Variants in FCHSD2 observed in about 807,000 individuals in gnomAD.
The protein encoded by FCHSD2 is FCH and double SH3 domains 2, also known as F-BAR and double SH3 domains protein 2.
FCHSD2 carries 38 observed loss-of-function variants against 108.1 expected under a neutral mutation model. The observed-to-expected ratio is 0.35, with a 90% CI of 0.27 to 0.46. The LOEUF (loss-of-function observed/expected upper bound fraction) is 0.46. Among genes scored for constraint, FCHSD2 ranks in the 20% least tolerant of loss-of-function variants. FCHSD2 has a pLI of 1.00. For missense variants in FCHSD2, 751 were observed against 897.8 expected, an observed-to-expected ratio of 0.84 and a Z score of 2.09; for synonymous variants, 279 against 314.7, an observed-to-expected ratio of 0.89 and a Z score of 1.20.
At chr11:72,950,027 C>T (rs1189826667) in intron 8 of FCHSD2, among the ~76,000 whole-genome samples, 1 of 152,196 alleles carries the variant, frequency 6.6e-6, no homozygotes, top group Non-Finnish European at 1.5e-5. Context: ...TCCATCTCCT[C>T]ACCAACACTT....
At chr11:72,862,783 G>A (rs891054135) in intron 13 of FCHSD2, among the ~76,000 whole-genome samples, 1 of 152,106 alleles carries the variant, frequency 6.6e-6, no homozygotes, top group Non-Finnish European at 1.5e-5. Context: ...CTTTGATAAA[G>A]AAGAAAGTTG....
In FCHSD2 at chr11:72,945,646, C is replaced by T. The variant is rs559006881; in HGVS notation, c.706-23696G>A. ...AATGGGAGAATATTTTTGCAATCTA[C>T]TCATCTGACAAAGGGCTAATATCTA... On this transcript the variant is annotated intron_variant, in intron 8 of 19. Transcript: ENST00000409418. 3.6e-3 allele frequency among the ~76,000 whole-genome samples: 541 copies of T among 152,250 alleles called. 1 individual carries two copies. Among genetic ancestry groups the T allele is most frequent in the Non-Finnish European group, 6.2e-3 (425 of 68,022 alleles).
chr11:73,010,701 A>C (rs916835283), intron 4 of FCHSD2, among the ~76,000 whole-genome samples: 1 of 152,214 alleles, frequency 6.6e-6, no homozygotes, highest in African/African-American at 2.4e-5. Context: ...AGGTGCAGTT[A>C]TTAGTGGGGC....
intron 8 of FCHSD2, among the ~76,000 whole-genome samples, chr11:72,934,588 C>T (rs1257694701): frequency 1.3e-5 from 2 of 152,112 alleles, no homozygotes; most frequent in Non-Finnish European, 2.9e-5. Flanking sequence ...CTTGCCTCGG[C>T]CTCCCAAAGT....
intron 12 of FCHSD2, among the ~76,000 whole-genome samples, chr11:72,869,023 C>T (rs1854792464): frequency 6.6e-6 from 1 of 152,082 alleles, no homozygotes; most frequent in African/African-American, 2.4e-5. Flanking sequence ...TCTCCTGCCT[C>T]AGCCTCCCAA....
chr11:73,066,085 C>T (rs1215306745), intron 3 of FCHSD2, among the ~76,000 whole-genome samples: 28 of 152,118 alleles, frequency 1.8e-4, no homozygotes, highest in African/African-American at 5.8e-4. Flanking sequence ...GGAGGCATCA[C>T]GCTACCTGAC....
chr11:73,059,138 C>A (rs983282289), intron 3 of FCHSD2, among the ~76,000 whole-genome samples: 1 of 152,108 alleles, frequency 6.6e-6, no homozygotes, highest in African/African-American at 2.4e-5. Context: ...CACTATAATT[C>A]ATAAGGTAAG....
At chr11:72,875,995 C>T (rs1457873620) in intron 12 of FCHSD2, among the ~76,000 whole-genome samples, 2 of 152,190 alleles carry the variant, frequency 1.3e-5, no homozygotes, top group Non-Finnish European at 2.9e-5. Context: ...AAAGTAATTG[C>T]TTGAGTAACC....
chr11:72,984,329 C>T (rs536446936), intron 7 of FCHSD2, 113 bp from the exon 8 acceptor site: 5 of 898,600 alleles, frequency 5.6e-6, no homozygotes, highest in Admixed American at 4.6e-5. Flanking sequence ...ATAAAGGTAA[C>T]CACGTGCGGA....
At chr11:73,083,573 A>C (rs1859747953) in intron 3 of FCHSD2, 122 bp downstream of exon 3, 1 of 633,016 alleles carries the variant, frequency 1.6e-6, no homozygotes, top group Non-Finnish European at 2.8e-6. Flanking sequence ...AAAAAAAACA[A>C]GAAAGAAATA....
intron 4 of FCHSD2, among the ~76,000 whole-genome samples, chr11:73,001,979 C>T (rs1401567243): frequency 5.3e-5 from 8 of 152,210 alleles, no homozygotes; most frequent in Non-Finnish European, 7.4e-5. Flanking sequence ...TAAACACAAT[C>T]GATAATTTAT....
At chr11:72,840,833 G>T in intron 19 of FCHSD2, 44 bp downstream of exon 19, 2 of 1,372,660 alleles carry the variant, frequency 1.5e-6, no homozygotes, top group Non-Finnish European at 2.1e-6. Flanking sequence ...CTTTCAATTT[G>T]GAAGAACTAT....
Position 73,096,377 on chromosome 11 carries a change from CAAAAAAAA to C in FCHSD2, c.120-12645_120-12638del, listed in dbSNP as rs767268719. 5.4e-3 allele frequency among the ~76,000 whole-genome samples: 369 copies of C among 68,368 alleles called. 6 individuals carry two copies. In the South Asian group the frequency reaches 0.085, roughly 16 times the overall value. 44.9% of individuals were successfully genotyped at this position (68,368 alleles called of 152,430 possible). On this transcript the variant is annotated intron_variant, in intron 2 of 19. Coordinates refer to ENST00000409418, the MANE Select transcript of FCHSD2 (RefSeq NM_014824.3). ...CCAACATGTTGAAACCCTGCCTCTA[CAAAAAAAA>C]AAAAAAAAAAAAAAAATTAGCCAGA...
intron 2 of FCHSD2, among the ~76,000 whole-genome samples, chr11:73,106,910 G>A (rs1860358208): frequency 6.6e-6 from 1 of 152,018 alleles, no homozygotes; most frequent in African/African-American, 2.4e-5. Flanking sequence ...GCATTTCTCA[G>A]AATATATCCC....
chr11:72,895,668 T>C (rs1323759344), intron 10 of FCHSD2, among the ~76,000 whole-genome samples: 2 of 152,178 alleles, frequency 1.3e-5, no homozygotes, highest in African/African-American at 2.4e-5. Context: ...ATCACATAGA[T>C]AGTGGACTTT....
At chr11:73,045,761 A>C (rs545886724) in intron 3 of FCHSD2, among the ~76,000 whole-genome samples, 90 of 151,104 alleles carry the variant, frequency 6.0e-4, no homozygotes, top group Non-Finnish European at 7.1e-4. Context: ...CACTCTGGGG[A>C]CTGTTGTGGG....
At chr11:72,931,743 T>C (rs1319413543) in intron 8 of FCHSD2, among the ~76,000 whole-genome samples, 9 of 152,122 alleles carry the variant, frequency 5.9e-5, no homozygotes, top group African/African-American at 1.7e-4. Context: ...CTAGTCTGGG[T>C]GACAGAGCAA....
At chr11:72,905,136 AG>A (rs1207373936) in intron 9 of FCHSD2, among the ~76,000 whole-genome samples, 5 of 152,314 alleles carry the variant, frequency 3.3e-5, no homozygotes, top group Middle Eastern at 3.4e-3. Context: ...ACTTTGTAGA[AG>A]TCCAAGATCG....
intron 12 of FCHSD2, among the ~76,000 whole-genome samples, chr11:72,873,477 A>C (rs1394014586): frequency 6.6e-6 from 1 of 152,200 alleles, no homozygotes; most frequent in African/African-American, 2.4e-5. Flanking sequence ...ATATTCTAGA[A>C]GTAAGTTTCT....
Sources: allele counts gnomAD v4.1 joint callset (sites outside exome capture counted in the v4.1 genomes callset), GRCh38; gene constraint gnomAD v4.1.1; transcripts MANE v1.5; gene names NCBI Gene and HGNC (gene_info 2026-07-23, HGNC 2026-07-21).